RPTOR: variants seen among roughly 807,000 people sequenced by gnomAD.
The protein encoded by RPTOR is regulatory associated protein of MTOR complex 1.
RPTOR carries 21 observed loss-of-function variants against 169.9 expected under a neutral mutation model. The ratio of observed to expected loss-of-function variants is 0.12; its 90% confidence interval spans 0.09 to 0.18. The LOEUF is 0.18. RPTOR is among the 10% of genes least tolerant of loss of function. RPTOR has a pLI of 1.00. For synonymous variants in RPTOR, 732 were observed against 753.2 expected, an observed-to-expected ratio of 0.97 and a Z score of 0.46; for missense variants, 1,133 against 1,855.9, an observed-to-expected ratio of 0.61 and a Z score of 7.16.
chr17:80,758,829 G>A (rs2066706412), intron 6 of RPTOR, among the ~76,000 whole-genome samples: 1 of 151,974 alleles, frequency 6.6e-6, no homozygotes, highest in Admixed American at 6.6e-5. Context: ...ATTTTTGCAA[G>A]TTTTCAGGCA....
chr17:80,556,659 G>A (rs973835861), intron 1 of RPTOR, among the ~76,000 whole-genome samples: 1 of 152,088 alleles, frequency 6.6e-6, no homozygotes, highest in African/African-American at 2.4e-5. Flanking sequence ...GAGTTTGTGG[G>A]TGTAGTGTGG....
chr17:80,641,176 T>G (rs1309677959), intron 2 of RPTOR, among the ~76,000 whole-genome samples: 1 of 152,244 alleles, frequency 6.6e-6, no homozygotes, highest in East Asian at 1.9e-4. Flanking sequence ...TTTTGAGACC[T>G]TAGAACTTTG....
chr17:80,637,357 G>A (rs1245615152), intron 2 of RPTOR, among the ~76,000 whole-genome samples: 3 of 152,202 alleles, frequency 2.0e-5, no homozygotes, highest in South Asian at 2.1e-4. Flanking sequence ...GGTCCTGAGC[G>A]TGCTGGAACT....
intron 6 of RPTOR, among the ~76,000 whole-genome samples, chr17:80,784,254 C>T (rs1429263866): frequency 6.6e-6 from 1 of 150,504 alleles, no homozygotes; most frequent in Non-Finnish European, 1.5e-5. Flanking sequence ...AAAAAAAACA[C>T]ATACTTTTAA....
chr17:80,548,603 C>A (rs1349549003), intron 1 of RPTOR, among the ~76,000 whole-genome samples: 1 of 151,800 alleles, frequency 6.6e-6, no homozygotes, highest in Non-Finnish European at 1.5e-5. Flanking sequence ...GAACTCCTGA[C>A]CTCGGGTCGT....
intron 6 of RPTOR, among the ~76,000 whole-genome samples, chr17:80,786,078 C>T (rs201171403): frequency 6.6e-6 from 1 of 152,260 alleles, no homozygotes; most frequent in South Asian, 2.1e-4. Flanking sequence ...TGTATATGCC[C>T]GGACCAAGTC....
In RPTOR at chr17:80,957,602, A is replaced by G. The variant is rs2069269443; in HGVS notation, c.3371-22A>G. 2 of 1,610,184 alleles carry G rather than the reference A, an allele frequency of 1.2e-6. No homozygotes were observed. Among genetic ancestry groups the G allele is most frequent in the Non-Finnish European group, 1.7e-6 (2 of 1,176,586 alleles). On this transcript the variant is annotated intron_variant, in intron 28 of 33. Transcript: ENST00000306801. This position sits in a 1 kb window ranked among gnomAD's most constrained non-coding sequence, Gnocchi z 4.6. ...AGGCAAGGGCCCATGGGGTGATGCC[A>G]TGTCCCACTGTATCTCTCCAGGAGC...
At chr17:80,886,585 A>G (rs77262948) in intron 17 of RPTOR, among the ~76,000 whole-genome samples, 4,898 of 152,338 alleles carry the variant, frequency 0.032, 242 homozygotes, top group African/African-American at 0.1. Flanking sequence ...AAACGATATG[A>G]AAATAGAGAG....
intron 3 of RPTOR, among the ~76,000 whole-genome samples, chr17:80,670,867 C>T (rs1402874618): frequency 6.6e-6 from 1 of 152,054 alleles, no homozygotes; most frequent in Non-Finnish European, 1.5e-5. Context: ...AGGGTCTCCT[C>T]GGTCAGGGGA....
intron 6 of RPTOR, among the ~76,000 whole-genome samples, chr17:80,765,683 C>T (rs966086691): frequency 2.0e-5 from 3 of 152,114 alleles, no homozygotes; most frequent in African/African-American, 7.2e-5. Context: ...TCTCTCCTGC[C>T]CAGCGTCTCT....
intron 1 of RPTOR, among the ~76,000 whole-genome samples, chr17:80,563,117 A>G (rs1426574476): frequency 6.6e-6 from 1 of 152,212 alleles, no homozygotes; most frequent in Non-Finnish European, 1.5e-5. Flanking sequence ...CTCAGGCTCC[A>G]GAGAACCACT....
intron 1 of RPTOR, among the ~76,000 whole-genome samples, chr17:80,565,295 A>G (rs951944371): frequency 6.6e-6 from 1 of 152,200 alleles, no homozygotes; most frequent in Non-Finnish European, 1.5e-5. Flanking sequence ...GACTGCGCCA[A>G]TGCCATCAAT....
chr17:80,673,576 C>T (rs554587230), intron 3 of RPTOR, among the ~76,000 whole-genome samples: 1 of 152,338 alleles, frequency 6.6e-6, no homozygotes, highest in East Asian at 1.9e-4. Flanking sequence ...AGAGCGGTTG[C>T]CGTGACCTTC....
At chr17:80,779,861 C>G (rs1380176939) in intron 6 of RPTOR, among the ~76,000 whole-genome samples, 3 of 152,172 alleles carry the variant, frequency 2.0e-5, no homozygotes, top group Non-Finnish European at 4.4e-5. Flanking sequence ...TGTGAGTTCA[C>G]TTGTTTGCCA....
chr17:80,879,270 C>T (rs2068158072), intron 13 of RPTOR, among the ~76,000 whole-genome samples: 1 of 151,740 alleles, frequency 6.6e-6, no homozygotes, highest in South Asian at 2.1e-4. Context: ...CCCAGCCTGT[C>T]TGACCCGTAG....
At chr17:80,881,227 C>T (rs2068182882) in intron 14 of RPTOR, among the ~76,000 whole-genome samples, 1 of 152,120 alleles carries the variant, frequency 6.6e-6, no homozygotes, top group South Asian at 2.1e-4. Flanking sequence ...AGTTGGTTTT[C>T]TAAGCTAAAG....
At chr17:80,909,983 T>C (rs1259371653) in intron 21 of RPTOR, 2 of 152,264 alleles carry the variant, frequency 1.3e-5, no homozygotes, top group Non-Finnish European at 2.9e-5. Context: ...TTTTGTGAGC[T>C]CTGGGCATTT....
intron 2 of RPTOR, among the ~76,000 whole-genome samples, chr17:80,641,572 C>T (rs961963466): frequency 3.4e-4 from 52 of 152,282 alleles, no homozygotes; most frequent in African/African-American, 1.1e-3. Context: ...TGGCTCTAGA[C>T]GACTGCAATA....
At chr17:80,685,646 T>TTTTTTTA in intron 3 of RPTOR, among the ~76,000 whole-genome samples, 1 of 108,664 alleles carries the variant, frequency 9.2e-6, no homozygotes, top group East Asian at 2.7e-4. Context: ...TTTTTTTTTT[T>TTTTTTTA]TTTTTTTTTT....
Sources: gnomAD v4.1 joint callset for allele counts (sites outside exome capture counted in the v4.1 genomes callset) on GRCh38, gnomAD v4.1.1 for gene constraint, Gnocchi (gnomAD v3.1) non-coding constraint, MANE v1.5 for transcripts, NCBI Gene and HGNC (gene_info 2026-07-23, HGNC 2026-07-21) for gene names.